IGDCC3: variants seen among roughly 807,000 people sequenced by gnomAD.
IGDCC3 encodes putative neuronal cell adhesion molecule.
Under a neutral mutation model 72.0 loss-of-function variants are expected in IGDCC3, and 47 were observed. The ratio of observed to expected loss-of-function variants is 0.65; its 90% confidence interval spans 0.52 to 0.83. IGDCC3 has a LOEUF of 0.83. Among genes scored for constraint, IGDCC3 ranks in the 40% least tolerant of loss-of-function variants. IGDCC3 has a pLI of 0.00. For missense variants in IGDCC3, 1,038 were observed against 1,091.3 expected (o/e 0.95, Z 0.69); for synonymous variants, 477 against 472.8 (o/e 1.01, Z -0.11).
In IGDCC3 at chr15:65,333,256, C is replaced by A; in HGVS notation, c.982+1G>T. On this transcript the variant is annotated splice_donor_variant, in intron 6 of 13. Coordinates refer to ENST00000327987, the MANE Select transcript of IGDCC3 (RefSeq NM_004884.4). LOFTEE classifies it high-confidence loss of function. ...CCTCCTCAGGGTTGGCTGATCCATACCTTGCACCACCAGCCGGCCCTGTGC... is the reference window on the plus strand; with the variant it reads ...CCTCCTCAGGGTTGGCTGATCCATAACTTGCACCACCAGCCGGCCCTGTGC... 1.2e-6 allele frequency: 2 copies of A among 1,601,360 alleles called. No homozygotes were observed. The highest frequency in any genetic ancestry group is 1.1e-5 in the South Asian group (1 of 89,102).
At chr15:65,336,103 G>T in intron 2 of IGDCC3, 147 bp from the exon 3 acceptor site, 1 of 758,714 alleles carries the variant, frequency 1.3e-6, no homozygotes, top group East Asian at 2.7e-5. Flanking sequence ...TAGCTTGGGG[G>T]ACCCATCAGC....
Position 65,329,381 on chromosome 15 carries a change from G to A in IGDCC3, c.2205+9C>T, listed in dbSNP as rs1414371955. The stretch of plus-strand genomic sequence containing the variant: ...GAGGCGGGGGTTTGTTTAAGACATG[G>A]GCACTCACTGTGGGTCTGGGGTCCG... On this transcript the variant is annotated intron_variant, in intron 13 of 13. Coordinates refer to ENST00000327987, the MANE Select transcript of IGDCC3 (RefSeq NM_004884.4). The surrounding 1 kb of genome is among the most constrained non-coding windows in gnomAD (Gnocchi z 4.1). The A allele has an allele frequency of 4.4e-6, 7 of 1,580,040 alleles. No individual in the cohort carries two copies. The highest frequency in any genetic ancestry group is 6.0e-6 in the Non-Finnish European group (7 of 1,167,810).
At chr15:65,352,130 G>A (rs2091178567) in intron 2 of IGDCC3, among the ~76,000 whole-genome samples, 1 of 152,136 alleles carries the variant, frequency 6.6e-6, no homozygotes, top group Non-Finnish European at 1.5e-5. Context: ...GAAAACTGAA[G>A]TAATCTTTTT....
chr15:65,372,882 G>A (rs994957852), intron 2 of IGDCC3, among the ~76,000 whole-genome samples: 24 of 152,288 alleles, frequency 1.6e-4, no homozygotes, highest in African/African-American at 5.5e-4. Flanking sequence ...CAGCCGCACC[G>A]TTGCTTGGCA....
At chr15:65,368,486 A>C (rs988857882) in intron 2 of IGDCC3, among the ~76,000 whole-genome samples, 1 of 152,132 alleles carries the variant, frequency 6.6e-6, no homozygotes, top group African/African-American at 2.4e-5. Flanking sequence ...AGGTGTGGGA[A>C]CCAGAAGCGT....
chr15:65,330,160 A>G (rs1034751301), intron 11 of IGDCC3, 133 bp downstream of exon 11: 7 of 741,992 alleles, frequency 9.4e-6, no homozygotes, highest in African/African-American at 8.7e-5. Context: ...AAGGTCACAC[A>G]GCCAGCATGT....
At position 65,339,326 on chromosome 15, in the gene IGDCC3, C is replaced by T. The variant is rs1457637801; in HGVS notation, c.410-3370G>A. Among the ~76,000 whole-genome samples, 3 of 152,212 alleles carry T rather than the reference C, an allele frequency of 2.0e-5. No homozygotes were observed. The highest frequency in any genetic ancestry group is 7.2e-5 in the African/African-American group (3 of 41,452). ...CAAACTCCTGACCTCGTGATCCGCC[C>T]GCCTTGGCTTCCCAAAGTGCTGGGA... On this transcript the variant is annotated intron_variant, in intron 2 of 13. Coordinates refer to ENST00000327987, the MANE Select transcript of IGDCC3 (RefSeq NM_004884.4). The surrounding 1 kb of genome is among the most constrained non-coding windows in gnomAD (Gnocchi z 4.1).
At chr15:65,362,918 C>G (rs940971359) in intron 2 of IGDCC3, among the ~76,000 whole-genome samples, 1 of 148,312 alleles carries the variant, frequency 6.7e-6, no homozygotes. Flanking sequence ...GCAGTGGCCC[C>G]ATCTCAGCTC....
In IGDCC3 at chr15:65,375,118, T is replaced by G. The variant is rs2091349945; in HGVS notation, c.388A>C (p.Lys130Gln). The change falls in exon 2 of 14, where the codon AAG becomes CAG. Residue 130 changes from lysine to glutamine, a missense_variant. By Grantham distance (53) the Lys-to-Gln change is moderately conservative (BLOSUM62 1). Transcript: ENST00000327987. The stretch of plus-strand genomic sequence containing the variant: ...TTACTTGCAGCTTGGATGCGAGCCT[T>G]CCGGCTGACCACCAGCCCAAAGCGG... ...QNRFGLVVSR[K>Q]ARIQAATMSD... The G allele has an allele frequency of 6.2e-7, 1 of 1,613,334 alleles. No homozygotes were observed. Among genetic ancestry groups the G allele is most frequent in the Non-Finnish European group, 8.5e-7 (1 of 1,179,464 alleles).
intron 2 of IGDCC3, among the ~76,000 whole-genome samples, chr15:65,368,270 T>A (rs2091301283): frequency 6.8e-6 from 1 of 146,840 alleles, no homozygotes; most frequent in Non-Finnish European, 1.5e-5. Flanking sequence ...AGTGAAAAAG[T>A]CCTTTCTCCC....
chr15:65,329,404 C>T lies in IGDCC3; in HGVS notation c.2191G>A (p.Asp731Asn), dbSNP rs2090954643. 6.3e-7 allele frequency: 1 copy of T among 1,587,678 alleles called. No homozygotes were observed. Among genetic ancestry groups the T allele is most frequent in the Non-Finnish European group, 8.5e-7 (1 of 1,171,014 alleles). ...TGGGCACTCACTGTGGGTCTGGGGT[C>T]CGGCTGCCCTGCTGCGCTGGCCGGG... ...FPPASAAGQPDPRPTQDPAAP... is the reference protein window; with the variant it reads ...FPPASAAGQPNPRPTQDPAAP... The change falls in exon 13 of 14, where the codon GAC becomes AAC. Residue 731 changes from aspartate to asparagine, a missense_variant. Asp to Asn is a conservative substitution (Grantham distance 23). Transcript: ENST00000327987. This position sits in a 1 kb window ranked among gnomAD's most constrained non-coding sequence, Gnocchi z 4.1.
chr15:65,330,488 CT>C (rs1455777591), intron 10 of IGDCC3, 61 bp downstream of exon 10: 1 of 1,581,188 alleles, frequency 6.3e-7, no homozygotes, highest in Non-Finnish European at 8.7e-7. Flanking sequence ...TGTACGCCAC[CT>C]CCTGGCCCTC....
chr15:65,333,897 A>G (rs1474902801), intron 5 of IGDCC3, among the ~76,000 whole-genome samples: 1 of 152,104 alleles, frequency 6.6e-6, no homozygotes, highest in African/African-American at 2.4e-5. Flanking sequence ...TGCTTTGGGA[A>G]ATGTTGGACC....
chr15:65,331,036 C>T lies in IGDCC3; in HGVS notation c.1561+14G>A, dbSNP rs1024623144. Reference sequence around the variant, plus strand: ...TGAGTGCCTGTGGTTTTGTGCTCCACACCCAGGCCTCACCTTCACCCAGGG... The same window carrying T: ...TGAGTGCCTGTGGTTTTGTGCTCCATACCCAGGCCTCACCTTCACCCAGGG... On this transcript the variant is annotated intron_variant, in intron 9 of 13. Transcript: ENST00000327987. 4 of 1,612,016 alleles carry T rather than the reference C, an allele frequency of 2.5e-6. No individual in the cohort carries two copies. In the African/African-American group the frequency reaches 5.3e-5, roughly 22 times the overall value.
Position 65,334,744 on chromosome 15 carries a change from C to A in IGDCC3, c.807G>T (p.Val269=). Residue 269 remains valine (V), a synonymous_variant, in exon 5 of 14, where the codon GTG becomes GTT. Coordinates refer to ENST00000327987, the MANE Select transcript of IGDCC3 (RefSeq NM_004884.4). ...GAGGCTCACCCAGGCGGCTCCAGGA[C>A]ACAATGGGGCGCGGGTTGCCCGTGG... ...CVATGNPRPI[V]SWSRLDGRPI... 4 of 1,582,656 alleles carry A rather than the reference C, an allele frequency of 2.5e-6. No homozygotes were observed. Among genetic ancestry groups the A allele is most frequent in the Non-Finnish European group, 3.4e-6 (4 of 1,164,490 alleles).
chr15:65,349,276 T>C (rs1055225444), intron 2 of IGDCC3, among the ~76,000 whole-genome samples: 3 of 152,182 alleles, frequency 2.0e-5, no homozygotes, highest in African/African-American at 7.2e-5. Flanking sequence ...TCCTTTATGA[T>C]GTGGCTTGGC....
intron 2 of IGDCC3, among the ~76,000 whole-genome samples, chr15:65,368,386 C>T (rs1014691940): frequency 6.6e-6 from 1 of 152,184 alleles, no homozygotes; most frequent in Non-Finnish European, 1.5e-5. Context: ...AGCCAAGGCG[C>T]CTGGCCGCTG....
chr15:65,332,498 C>T (rs1027905215), intron 6 of IGDCC3, among the ~76,000 whole-genome samples: 5 of 152,236 alleles, frequency 3.3e-5, no homozygotes, highest in Non-Finnish European at 5.9e-5. Flanking sequence ...GTACCGGGGG[C>T]CCCCTCGCCC....
In IGDCC3 at chr15:65,330,693, AAGG is replaced by A. The variant is rs2090969048; in HGVS notation, c.1607_1609del (p.Ser536del). 3.7e-6 allele frequency: 6 copies of A among 1,613,068 alleles called. No homozygotes were observed. Among genetic ancestry groups the A allele is most frequent in the African/African-American group, 1.3e-5 (1 of 74,884 alleles). ...GGGCCAAGGCTCCCACAGCAGCTGC[AAGG>A]AGGAGCTGCCCAGGACTCGCACTGA... On this transcript the variant is annotated inframe_deletion, in exon 10 of 14. Coordinates refer to ENST00000327987, the MANE Select transcript of IGDCC3 (RefSeq NM_004884.4).
Sources: allele counts gnomAD v4.1 joint callset (sites outside exome capture counted in the v4.1 genomes callset), GRCh38; gene constraint gnomAD v4.1.1; non-coding constraint Gnocchi (gnomAD v3.1); transcripts MANE v1.5; gene names NCBI Gene and HGNC (gene_info 2026-07-23, HGNC 2026-07-21).